The following NRG3 variants were observed in gnomAD, a reference collection of about 807,000 sequenced individuals.
The protein encoded by NRG3 is pro-neuregulin-3, membrane-bound isoform.
Under a neutral mutation model 66.9 loss-of-function variants are expected in NRG3, and 31 were observed. The observed-to-expected ratio is 0.46, with a 90% confidence interval of 0.35 to 0.63. The LOEUF is 0.63. Ranked by LOEUF, NRG3 falls within the 20% of genes least tolerant of loss-of-function variation. NRG3 has a pLI of 0.00. For synonymous variants in NRG3, 393 were observed against 359.4 expected (o/e 1.09, Z -1.06); for missense variants, 910 against 878.9 (o/e 1.04, Z -0.45).
intron 2 of NRG3, among the ~76,000 whole-genome samples, chr10:82,584,296 T>C (rs2199949): frequency 0.025 from 3,875 of 152,058 alleles, 176 homozygotes; most frequent in East Asian, 0.22. Context: ...TTGTTGGCCA[T>C]GCTGGTCTTG....
At chr10:82,189,378 C>T (rs1478275294) in intron 1 of NRG3, among the ~76,000 whole-genome samples, 1 of 152,074 alleles carries the variant, frequency 6.6e-6, no homozygotes, top group Non-Finnish European at 1.5e-5. Flanking sequence ...AATTTTAGGC[C>T]AGGCACAGTG....
intron 2 of NRG3, among the ~76,000 whole-genome samples, chr10:82,654,065 T>G (rs1591036874): frequency 6.6e-6 from 1 of 152,166 alleles, no homozygotes; most frequent in South Asian, 2.1e-4. Context: ...TGCAGTTTTT[T>G]GGGGGCTTGT....
chr10:82,840,180 A>AG (rs1458885951), intron 3 of NRG3, among the ~76,000 whole-genome samples: 1 of 152,316 alleles, frequency 6.6e-6, no homozygotes, highest in East Asian at 1.9e-4. Context: ...TAGCAACTGT[A>AG]GGAAACTGAC....
At chr10:82,626,318 T>C (rs942045841) in intron 2 of NRG3, among the ~76,000 whole-genome samples, 3 of 152,122 alleles carry the variant, frequency 2.0e-5, no homozygotes, top group African/African-American at 7.2e-5. Context: ...GAAGCAAATA[T>C]ATATGTAGAT....
intron 1 of NRG3, among the ~76,000 whole-genome samples, chr10:81,994,993 A>T (rs2060881732): frequency 6.6e-6 from 1 of 151,308 alleles, no homozygotes; most frequent in Admixed American, 6.6e-5. Context: ...TCTTTTTCAG[A>T]TTTCTTTCTT....
At chr10:82,672,186 G>C (rs979172563) in intron 2 of NRG3, among the ~76,000 whole-genome samples, 1 of 152,126 alleles carries the variant, frequency 6.6e-6, no homozygotes, top group African/African-American at 2.4e-5. Flanking sequence ...TCAAGCAGGC[G>C]AGAGTACTAG....
chr10:82,475,173 G>A (rs1416493969), intron 2 of NRG3, among the ~76,000 whole-genome samples: 1 of 151,796 alleles, frequency 6.6e-6, no homozygotes, highest in Non-Finnish European at 1.5e-5. Flanking sequence ...ACAATGAGTT[G>A]GTTCATTGAA....
intron 2 of NRG3, among the ~76,000 whole-genome samples, chr10:82,481,639 T>C (rs1487409157): frequency 2.6e-5 from 4 of 152,356 alleles, no homozygotes; most frequent in East Asian, 1.9e-4. Flanking sequence ...GGTTTAATAA[T>C]TCTATTCATA....
chr10:82,515,079 T>C (rs1409496263), intron 2 of NRG3, among the ~76,000 whole-genome samples: 1 of 152,198 alleles, frequency 6.6e-6, no homozygotes, highest in East Asian at 1.9e-4. Flanking sequence ...CACATGGGAT[T>C]GTCAGACTCC....
At chr10:82,401,711 A>G (rs1356782678) in intron 2 of NRG3, among the ~76,000 whole-genome samples, 1 of 152,168 alleles carries the variant, frequency 6.6e-6, no homozygotes, top group African/African-American at 2.4e-5. Context: ...ATTCACAAAA[A>G]TAATTCATTT....
At chr10:82,310,888 C>G (rs937007448) in intron 1 of NRG3, among the ~76,000 whole-genome samples, 1 of 152,162 alleles carries the variant, frequency 6.6e-6, no homozygotes, top group Non-Finnish European at 1.5e-5. Flanking sequence ...CATCATCAGA[C>G]AAGTATGAGC....
chr10:82,568,091 T>C (rs939949324), intron 2 of NRG3, among the ~76,000 whole-genome samples: 1 of 151,862 alleles, frequency 6.6e-6, no homozygotes, highest in Non-Finnish European at 1.5e-5. Flanking sequence ...ATATTATACA[T>C]TAAAACATCA....
intron 1 of NRG3, among the ~76,000 whole-genome samples, chr10:81,934,923 C>T (rs1397414284): frequency 6.6e-6 from 1 of 152,158 alleles, no homozygotes; most frequent in Non-Finnish European, 1.5e-5. Flanking sequence ...CAGGGCCAAG[C>T]CTCAATTAAC....
intron 2 of NRG3, among the ~76,000 whole-genome samples, chr10:82,637,425 T>C (rs540330393): frequency 7.2e-5 from 11 of 152,312 alleles, no homozygotes; most frequent in Admixed American, 2.0e-4. Context: ...AAAATACTTA[T>C]TAATTACAAC....
intron 1 of NRG3, among the ~76,000 whole-genome samples, chr10:82,162,402 A>G (rs1385676781): frequency 1.3e-5 from 2 of 152,176 alleles, no homozygotes; most frequent in Non-Finnish European, 2.9e-5. Context: ...CTACTGCATC[A>G]GTACTAGGTG....
intron 1 of NRG3, among the ~76,000 whole-genome samples, chr10:81,992,829 A>G (rs1164652963): frequency 1.3e-5 from 2 of 152,218 alleles, no homozygotes; most frequent in African/African-American, 4.8e-5. Flanking sequence ...AGCAGATACA[A>G]GTCCTGCAAG....
intron 1 of NRG3, among the ~76,000 whole-genome samples, chr10:82,015,625 C>T (rs2061754435): frequency 6.6e-6 from 1 of 151,966 alleles, no homozygotes; most frequent in Admixed American, 6.6e-5. Flanking sequence ...GGCACTTCTC[C>T]TTTCTGCCAC....
chr10:82,195,540 G>A (rs2074400771), intron 1 of NRG3, among the ~76,000 whole-genome samples: 1 of 152,058 alleles, frequency 6.6e-6, no homozygotes, highest in Admixed American at 6.6e-5. Context: ...CTATAAAACA[G>A]TCTTATGCTA....
In NRG3 at chr10:82,315,141, CAT is replaced by C. The variant is rs1471318287; in HGVS notation, c.824-43597_824-43596del. Reference sequence around the variant, plus strand: ...CCATGGTTAAAATGATGTGTATACACATGTGATGTTTTAATATATTAGAGCTC... The same window carrying C: ...CCATGGTTAAAATGATGTGTATACACGTGATGTTTTAATATATTAGAGCTC... On this transcript the variant is annotated intron_variant, in intron 1 of 8. Coordinates refer to ENST00000372141, the MANE Select transcript of NRG3 (RefSeq NM_001010848.4). 2.0e-5 allele frequency among the ~76,000 whole-genome samples: 3 copies of C among 152,118 alleles called. No homozygotes were observed. The South Asian group carries it at 6.2e-4, about 32-fold the overall frequency.
Sources: gnomAD v4.1 joint callset for allele counts (sites outside exome capture counted in the v4.1 genomes callset) on GRCh38, gnomAD v4.1.1 for gene constraint, MANE v1.5 for transcripts, NCBI Gene and HGNC (gene_info 2026-07-23, HGNC 2026-07-21) for gene names.